The following COL6A6 variants were observed in gnomAD, a reference collection of about 807,000 sequenced individuals.
The protein encoded by COL6A6 is collagen type VI alpha 6 chain, also known as collagen alpha-6(VI) chain.
A neutral mutation model predicts 208.6 loss-of-function variants in COL6A6; 183 were observed. That is an observed-to-expected ratio of 0.88 (90% confidence interval 0.78 to 0.99). COL6A6 has a LOEUF of 0.99. COL6A6 is among the 50% of genes least tolerant of loss of function. The pLI, the probability that COL6A6 is intolerant of heterozygous loss-of-function variation, is 0.00. For synonymous variants in COL6A6, 973 were observed against 1,011.8 expected (o/e 0.96, Z 0.73); for missense variants, 2,816 against 2,815.2 (o/e 1.00, Z -0.01).
Position 130,571,403 on chromosome 3 carries a change from G to A in COL6A6, c.2977+10G>A, listed in dbSNP as rs1422823147. The A allele has an allele frequency of 6.5e-7, 1 of 1,530,904 alleles. No homozygotes were observed. The highest frequency in any genetic ancestry group is 1.3e-5 in the South Asian group (1 of 77,216). 94.8% of individuals were successfully genotyped at this position (1,530,904 alleles called of 1,614,324 possible). ...AACTCTTCAAAAGTAGGTAAGTTTT[G>A]CCAACTAAGTTTTTCCTAATTATTA... On this transcript the variant is annotated intron_variant, in intron 7 of 36. Coordinates refer to ENST00000358511, the MANE Select transcript of COL6A6 (RefSeq NM_001102608.3).
chr3:130,559,182 G>A (rs762642465), intron 1 of COL6A6, among the ~76,000 whole-genome samples: 2 of 152,130 alleles, frequency 1.3e-5, no homozygotes, highest in Non-Finnish European at 2.9e-5. Context: ...TTGTACAGAT[G>A]GTATGACTTG....
chr3:130,597,707 A>G (rs1004368469), intron 18 of COL6A6, among the ~76,000 whole-genome samples: 1 of 152,222 alleles, frequency 6.6e-6, no homozygotes, highest in Non-Finnish European at 1.5e-5. Flanking sequence ...ATATCCCACA[A>G]CGTATGCTTG....
chr3:130,603,682 T>C (rs1451002698), intron 20 of COL6A6, among the ~76,000 whole-genome samples: 2 of 152,214 alleles, frequency 1.3e-5, no homozygotes, highest in Non-Finnish European at 2.9e-5. Flanking sequence ...TAGTTATGAC[T>C]TGCCCTTTTC....
intron 26 of COL6A6, 84 bp from the exon 27 acceptor site, chr3:130,634,506 C>T (rs1276041203): frequency 1.6e-5 from 20 of 1,239,640 alleles, no homozygotes. Flanking sequence ...CAAAACTACA[C>T]AGGGCAGCAG....
intron 29 of COL6A6, among the ~76,000 whole-genome samples, chr3:130,642,265 G>A (rs2065336098): frequency 6.6e-6 from 1 of 151,622 alleles, no homozygotes; most frequent in Non-Finnish European, 1.5e-5. Context: ...GTGTGTGTGT[G>A]TGTGTGTGTG....
Position 130,568,546 on chromosome 3 carries a change from T to G in COL6A6, c.2343T>G (p.Phe781Leu), listed in dbSNP as rs773593204. The G allele has an allele frequency of 6.2e-7, 1 of 1,610,514 alleles. No homozygotes were observed. Among genetic ancestry groups the G allele is most frequent in the Non-Finnish European group, 8.5e-7 (1 of 1,179,866 alleles). ...AGATGGTTTTTTATGTTGAGAATTT[T>G]GACATTCTGCAGCGCATTGAAGATG... ...RPEMVFYVEN[F>L]DILQRIEDDL... Residue 781 changes from phenylalanine to leucine, a missense_variant, in exon 6 of 37, where the codon TTT (phenylalanine) becomes TTG (leucine). Phe to Leu is a conservative substitution (Grantham distance 22). Transcript: ENST00000358511.
At chr3:130,559,077 A>G (rs1024554064) in intron 1 of COL6A6, among the ~76,000 whole-genome samples, 2 of 152,212 alleles carry the variant, frequency 1.3e-5, no homozygotes, top group Admixed American at 1.3e-4. Flanking sequence ...CAAACAGGAG[A>G]ACAAATGTAA....
chr3:130,570,037 A>G (rs2063122627), intron 6 of COL6A6, among the ~76,000 whole-genome samples: 1 of 152,236 alleles, frequency 6.6e-6, no homozygotes, highest in Admixed American at 6.5e-5. Flanking sequence ...TAAGGACTAA[A>G]TAACAAACCA....
At position 130,591,087 on chromosome 3, in the gene COL6A6, G is replaced by A; in HGVS notation, c.4265G>A (p.Gly1422Glu). The A allele has an allele frequency of 6.3e-7, 1 of 1,582,206 alleles. No homozygotes were observed. Among genetic ancestry groups the A allele is most frequent in the Non-Finnish European group, 8.6e-7 (1 of 1,161,890 alleles). The part of the protein sequence containing the change: ...KGSEGYLGEE[G>E]IAGERGAPGP... ...AGTGAAGGCTACCTGGGAGAGGAGGGAATCGCTGTAAGTCAGGGCTCTTTT... is the reference window on the plus strand; with the variant it reads ...AGTGAAGGCTACCTGGGAGAGGAGGAAATCGCTGTAAGTCAGGGCTCTTTT... Residue 1422 changes from glycine to glutamate, a missense_variant, in exon 13 of 37, where the codon GGA (glycine) becomes GAA (glutamate). By Grantham distance (98) the Gly-to-Glu change is moderately conservative. Coordinates refer to ENST00000358511, the MANE Select transcript of COL6A6 (RefSeq NM_001102608.3).
chr3:130,578,457 A>G (rs2063344675), intron 8 of COL6A6, among the ~76,000 whole-genome samples: 1 of 152,126 alleles, frequency 6.6e-6, no homozygotes, highest in African/African-American at 2.4e-5. Flanking sequence ...ATGGAAGGGA[A>G]GTGATGCGGG....
rs1214325589 is a variant in COL6A6, at chr3:130,621,887, G to T, written c.4878+4G>T. 1 of 1,611,344 alleles carries T rather than the reference G, an allele frequency of 6.2e-7. No homozygotes were observed. Among genetic ancestry groups the T allele is most frequent in the Non-Finnish European group, 8.5e-7 (1 of 1,177,676 alleles). On this transcript the variant is annotated splice_donor_region_variant and intron_variant, in intron 24 of 36. Coordinates refer to ENST00000358511, the MANE Select transcript of COL6A6 (RefSeq NM_001102608.3). Reference sequence around the variant, plus strand: ...TTTGGGAAGCCAAGGAAATAAAGTAGGTCACATTCTTTATACTCACCAAAG... The same window carrying T: ...TTTGGGAAGCCAAGGAAATAAAGTATGTCACATTCTTTATACTCACCAAAG...
intron 1 of COL6A6, among the ~76,000 whole-genome samples, chr3:130,545,402 C>T (rs965698747): frequency 6.6e-6 from 1 of 150,668 alleles, no homozygotes; most frequent in African/African-American, 2.4e-5. Flanking sequence ...GAATGTAATT[C>T]TCATCATTGC....
intron 23 of COL6A6, among the ~76,000 whole-genome samples, chr3:130,620,672 T>A (rs1183804751): frequency 6.6e-6 from 1 of 152,246 alleles, no homozygotes; most frequent in East Asian, 1.9e-4. Context: ...AATTTATTGT[T>A]CAACAATCCT....
intron 1 of COL6A6, among the ~76,000 whole-genome samples, chr3:130,553,337 G>C (rs1264568384): frequency 1.3e-5 from 2 of 152,162 alleles, no homozygotes; most frequent in African/African-American, 4.8e-5. Context: ...AGGGTTTTGG[G>C]TTTTGTTAAT....
chr3:130,626,418 A>AT, intron 24 of COL6A6, 67 bp from the exon 25 acceptor site: 1 of 1,115,946 alleles, frequency 9.0e-7, no homozygotes, highest in Non-Finnish European at 1.4e-6. Flanking sequence ...TGTGATCCAC[A>AT]CAGATGAGCT....
Position 130,606,966 on chromosome 3 carries a change from G to A in COL6A6, c.4689G>A (p.Gln1563=). ...GCAGAAGGGGACATACAGGCCCACA[G>A]GTACAATGATTTTTCCCCTTAACTC... ...AHGRRGHTGP[Q]GTAGIPGPDG... is the part of the protein sequence containing the mutation. Residue 1563 remains glutamine (Q), a splice_region_variant and synonymous_variant, in exon 21 of 37, where the codon CAG becomes CAA. Coordinates refer to ENST00000358511, the MANE Select transcript of COL6A6 (RefSeq NM_001102608.3). The A allele has an allele frequency of 6.2e-7, 1 of 1,606,976 alleles. No individual in the cohort carries two copies. The highest frequency in any genetic ancestry group is 8.5e-7 in the Non-Finnish European group (1 of 1,176,534).
chr3:130,648,965 CTT>C, intron 32 of COL6A6, 102 bp from the exon 33 acceptor site: 3 of 893,286 alleles, frequency 3.4e-6, no homozygotes, highest in Non-Finnish European at 4.8e-6. Context: ...AAATTATTCT[CTT>C]TAAGTATTTG....
rs368284727 is a variant in COL6A6, at chr3:130,652,320, C to T, written c.5733+2758C>T. Among the ~76,000 whole-genome samples, 56 of 152,270 alleles carry T rather than the reference C, an allele frequency of 3.7e-4. No individual in the cohort carries two copies. In the South Asian group the frequency reaches 0.011, roughly 31 times the overall value. On this transcript the variant is annotated intron_variant, in intron 33 of 36. Coordinates refer to ENST00000358511, the MANE Select transcript of COL6A6 (RefSeq NM_001102608.3). ...AAGGAAACCCCAGTGATGTGTTTCT[C>T]GTGGAGAGGTACCTCTTCTCATTCA...
chr3:130,623,824 C>T (rs1451142811), intron 24 of COL6A6, among the ~76,000 whole-genome samples: 4 of 151,578 alleles, frequency 2.6e-5, no homozygotes, highest in Non-Finnish European at 4.4e-5. Flanking sequence ...GTAAGAAGTC[C>T]AAGAGGAAAC....
Sources: allele counts gnomAD v4.1 joint callset (sites outside exome capture counted in the v4.1 genomes callset), GRCh38; gene constraint gnomAD v4.1.1; transcripts MANE v1.5; gene names NCBI Gene and HGNC (gene_info 2026-07-23, HGNC 2026-07-21).